Variants in CTNND2 observed in about 807,000 individuals in gnomAD.
CTNND2 encodes the protein catenin delta 2, also known as catenin delta-2.
Under a neutral mutation model 144.4 loss-of-function variants are expected in CTNND2, and 22 were observed. The observed-to-expected ratio is 0.15, with a 90% confidence interval of 0.11 to 0.22. The LOEUF (loss-of-function observed/expected upper bound fraction) is 0.22, where lower values mean the gene tolerates loss of function less well. Ranked by LOEUF, CTNND2 falls within the 10% of genes least tolerant of loss-of-function variation. The pLI, the probability that CTNND2 is intolerant of heterozygous loss-of-function variation, is 1.00. For missense variants in CTNND2, 1,353 were observed against 1,618.8 expected, an observed-to-expected ratio of 0.84 and a Z score of 2.82; for synonymous variants, 751 against 695.6, an observed-to-expected ratio of 1.08 and a Z score of -1.25.
Position 11,159,772 on chromosome 5 carries a change from C to A in CTNND2, c.1976-13G>T. ...TTCCAAAGGACTCCTGCAAGAGACA[C>A]ACAAAAAGAGGTTTTGGGTGGCCAC... On this transcript the variant is annotated splice_polypyrimidine_tract_variant and intron_variant, in intron 11 of 21. Transcript: ENST00000304623. The A allele has an allele frequency of 1.3e-6, 2 of 1,551,282 alleles. No individual in the cohort carries two copies. Among genetic ancestry groups the A allele is most frequent in the Admixed American group, 2.0e-5 (1 of 50,866 alleles).
intron 3 of CTNND2, among the ~76,000 whole-genome samples, chr5:11,490,027 T>C (rs1349363946): frequency 6.6e-6 from 1 of 152,170 alleles, no homozygotes; most frequent in Non-Finnish European, 1.5e-5. Flanking sequence ...AAATCCCTGA[T>C]GTGAATTCAT....
intron 2 of CTNND2, among the ~76,000 whole-genome samples, chr5:11,570,233 A>G (rs974562798): frequency 6.6e-6 from 1 of 152,148 alleles, no homozygotes; most frequent in Non-Finnish European, 1.5e-5. Context: ...ACCTGCTCCA[A>G]TCTGGCCTGG....
chr5:11,022,484 C>T (rs1399011640), intron 17 of CTNND2, among the ~76,000 whole-genome samples: 1 of 152,178 alleles, frequency 6.6e-6, no homozygotes, highest in East Asian at 1.9e-4. Context: ...CATCAACACA[C>T]GGACTTCCCA....
chr5:10,997,611 T>A (rs1739495182), intron 18 of CTNND2, among the ~76,000 whole-genome samples: 1 of 151,012 alleles, frequency 6.6e-6, no homozygotes, highest in Non-Finnish European at 1.5e-5. Flanking sequence ...AAAAAAAATT[T>A]AAATCCCTGT....
intron 12 of CTNND2, among the ~76,000 whole-genome samples, chr5:11,134,960 G>A (rs888395710): frequency 2.0e-5 from 3 of 152,192 alleles, no homozygotes; most frequent in Admixed American, 2.0e-4. Context: ...ATTAAAAACA[G>A]GTCACAAGTT....
intron 3 of CTNND2, among the ~76,000 whole-genome samples, chr5:11,478,491 T>C (rs943163348): frequency 6.6e-5 from 10 of 152,250 alleles, no homozygotes; most frequent in African/African-American, 2.4e-4. Context: ...TTCAGCCTTT[T>C]AAGCACCGTG....
rs1754814110 is a variant in CTNND2, at chr5:11,346,598, G to C, written c.1402C>G (p.Pro468Ala). ...TGCTGGCTGCCTGTGCGCTGCAAGG[G>C]GACGGAGTCGACACCAGGGGAAGAT... ...APSSPGVDSV[P>A]LQRTGSQHGP... The change falls in exon 9 of 22, where the codon CCC becomes GCC. Residue 468 changes from proline (P) to alanine (A), a missense_variant. By Grantham distance (27) the Pro-to-Ala change is conservative (BLOSUM62 -1). Transcript: ENST00000304623. 6.4e-7 allele frequency: 1 copy of C among 1,554,896 alleles called. No homozygotes were observed. Among genetic ancestry groups the C allele is most frequent in the Non-Finnish European group, 8.7e-7 (1 of 1,149,138 alleles).
intron 10 of CTNND2, among the ~76,000 whole-genome samples, chr5:11,229,956 C>T (rs1308272913): frequency 6.6e-6 from 1 of 151,794 alleles, no homozygotes; most frequent in African/African-American, 2.4e-5. Context: ...GCAATCCTCA[C>T]TACCCATGAA....
intron 3 of CTNND2, among the ~76,000 whole-genome samples, chr5:11,539,475 T>C (rs1383434883): frequency 6.6e-6 from 1 of 152,222 alleles, no homozygotes; most frequent in Admixed American, 6.5e-5. Flanking sequence ...CTATAATAAC[T>C]TGCTGTTTAC....
chr5:11,031,901 C>T (rs1036847426), intron 16 of CTNND2, among the ~76,000 whole-genome samples: 9 of 152,216 alleles, frequency 5.9e-5, no homozygotes, highest in African/African-American at 2.2e-4. Context: ...CTGAAGGCTG[C>T]ACTGTTGTCC....
chr5:11,852,086 T>C lies in CTNND2; in HGVS notation c.37+51731A>G, dbSNP rs183783566. 3.8e-3 allele frequency among the ~76,000 whole-genome samples: 586 copies of C among 152,262 alleles called. 6 individuals are homozygous for C. The highest frequency in any genetic ancestry group is 0.014 in the African/African-American group (570 of 41,542). ...CTTTAGTGGCACCCAACGGCATTCA[T>C]TGTTCCTTCCCCCTTGTTCCTACCT... is the stretch of plus-strand genomic sequence containing the variant. On this transcript the variant is annotated intron_variant, in intron 1 of 21. Transcript: ENST00000304623.
intron 21 of CTNND2, among the ~76,000 whole-genome samples, chr5:10,977,924 G>T (rs1325738489): frequency 6.6e-6 from 1 of 152,218 alleles, no homozygotes. Context: ...GTGTGGCCAT[G>T]TGTCTGGTGC....
chr5:11,715,588 T>C (rs1477745526), intron 2 of CTNND2, among the ~76,000 whole-genome samples: 1 of 152,210 alleles, frequency 6.6e-6, no homozygotes, highest in East Asian at 1.9e-4. Context: ...CTTCCTACTC[T>C]TTTCTGGGAA....
At position 11,159,756 on chromosome 5, in the gene CTNND2, A is replaced by C; in HGVS notation, c.1979T>G (p.Val660Gly). The C allele has an allele frequency of 1.3e-6, 2 of 1,578,584 alleles. No homozygotes were observed. The highest frequency in any genetic ancestry group is 2.3e-5 in the East Asian group (1 of 43,052). ...ATCGCATGAGGAGAGGTTCCAAAGG[A>C]CTCCTGCAAGAGACACACAAAAAGA... ...DLEIRELVTG[V>G]LWNLSSCDAL... The change falls in exon 12 of 22, where the codon GTC becomes GGC. Residue 660 changes from valine to glycine, a missense_variant. Coordinates refer to ENST00000304623, the MANE Select transcript of CTNND2 (RefSeq NM_001332.4).
At chr5:11,235,221 TTA>T (rs1741494242) in intron 10 of CTNND2, among the ~76,000 whole-genome samples, 2 of 152,160 alleles carry the variant, frequency 1.3e-5, no homozygotes, top group Admixed American at 1.3e-4. Context: ...ACCCTCAAAG[TTA>T]TAGTCTTCAA....
At chr5:11,546,020 T>C (rs972619939) in intron 3 of CTNND2, among the ~76,000 whole-genome samples, 8 of 152,180 alleles carry the variant, frequency 5.3e-5, no homozygotes, top group Non-Finnish European at 1.0e-4. Flanking sequence ...ACAACATCAA[T>C]GAACCTTGAA....
intron 7 of CTNND2, among the ~76,000 whole-genome samples, chr5:11,365,477 C>G (rs1365861337): frequency 6.6e-6 from 1 of 152,186 alleles, no homozygotes; most frequent in Non-Finnish European, 1.5e-5. Context: ...CTCTGACCCT[C>G]TAAATTGAAG....
chr5:11,316,473 TATTA>T (rs1751499597), intron 9 of CTNND2, among the ~76,000 whole-genome samples: 1 of 40,594 alleles, frequency 2.5e-5, no homozygotes. Context: ...TATTTTTTAT[TATTA>T]TTATTATTAT....
At chr5:11,070,834 A>G (rs1037176432) in intron 16 of CTNND2, among the ~76,000 whole-genome samples, 4 of 152,200 alleles carry the variant, frequency 2.6e-5, no homozygotes, top group Non-Finnish European at 4.4e-5. Flanking sequence ...GAGTTTCTTC[A>G]GGCAGAAGGG....
Sources: gnomAD v4.1 joint callset for allele counts (sites outside exome capture counted in the v4.1 genomes callset) on GRCh38, gnomAD v4.1.1 for gene constraint, MANE v1.5 for transcripts, NCBI Gene and HGNC (gene_info 2026-07-23, HGNC 2026-07-21) for gene names.